Variants in DNAH14 observed in about 807,000 individuals in gnomAD.
DNAH14 encodes dynein axonemal heavy chain 14, also known as axonemal beta dynein heavy chain 14.
A neutral mutation model predicts 520.9 loss-of-function variants in DNAH14; 478 were observed. The ratio of observed to expected loss-of-function variants is 0.92; its 90% CI spans 0.85 to 0.99. The LOEUF (loss-of-function observed/expected upper bound fraction) is 0.99. DNAH14 is among the 50% of genes least tolerant of loss of function. DNAH14 has a pLI of 0.00. For missense variants in DNAH14, 4,831 were observed against 5,234.5 expected (o/e 0.92, Z 2.38); for synonymous variants, 1,581 against 1,757.2 (o/e 0.90, Z 2.51).
Position 225,050,811 on chromosome 1 carries a change from G to A in DNAH14, c.2079+435G>A, listed in dbSNP as rs572482746. 2.0e-5 allele frequency among the ~76,000 whole-genome samples: 3 copies of A among 152,310 alleles called. No individual in the cohort carries two copies. The East Asian group carries it at 5.8e-4, about 29-fold the overall frequency. ...GGCCCTTAACCCTTTTGGCACCAGG[G>A]ACTGGTTTTGTGGAATACAGTTTGT... is the stretch of plus-strand genomic sequence containing the variant. On this transcript the variant is annotated intron_variant, in intron 16 of 85. Transcript: ENST00000682510.
chr1:224,950,968 G>A (rs1378046754), intron 1 of DNAH14, among the ~76,000 whole-genome samples: 4 of 152,106 alleles, frequency 2.6e-5, no homozygotes, highest in Admixed American at 2.6e-4. Context: ...TGGTACCTAT[G>A]TAATAGCCTC....
At chr1:225,182,104 A>G (rs1217624232) in intron 36 of DNAH14, among the ~76,000 whole-genome samples, 1 of 152,210 alleles carries the variant, frequency 6.6e-6, no homozygotes, top group African/African-American at 2.4e-5. Flanking sequence ...GAGCTGAGGT[A>G]GGAGAATCAC....
chr1:225,264,329 T>A, intron 47 of DNAH14, 68 bp downstream of exon 47: 1 of 1,204,742 alleles, frequency 8.3e-7, no homozygotes. Flanking sequence ...TGTATATTAT[T>A]TCTTACATTC....
At chr1:225,393,731 C>G (rs764286203) in intron 84 of DNAH14, among the ~76,000 whole-genome samples, 7 of 152,148 alleles carry the variant, frequency 4.6e-5, no homozygotes, top group Admixed American at 3.9e-4. Flanking sequence ...TAGAAGATTG[C>G]TCCACATCCC....
In DNAH14 at chr1:224,950,477, G is replaced by A. The variant is rs572047392; in HGVS notation, c.-33-2193G>A. ...TGGTATTTGAATGTTGCTGTGAGAA[G>A]TGTGAGGTTAACTTGATGTTTTTTA... On this transcript the variant is annotated intron_variant, in intron 1 of 85. Coordinates refer to ENST00000682510, the MANE Select transcript of DNAH14 (RefSeq NM_001367479.1). Among the ~76,000 whole-genome samples, 23 of 152,312 alleles carry A rather than the reference G, an allele frequency of 1.5e-4. No individual in the cohort carries two copies. The South Asian group carries it at 3.7e-3, about 25-fold the overall frequency.
intron 8 of DNAH14, among the ~76,000 whole-genome samples, chr1:224,977,258 G>A (rs1232092785): frequency 6.7e-6 from 1 of 149,140 alleles, no homozygotes; most frequent in African/African-American, 2.5e-5. Context: ...AACACCGCAT[G>A]TTCTCACTCA....
At chr1:225,058,121 G>T (rs931181034) in intron 17 of DNAH14, among the ~76,000 whole-genome samples, 3 of 152,152 alleles carry the variant, frequency 2.0e-5, no homozygotes, top group African/African-American at 7.2e-5. Flanking sequence ...GCTCCTCCTT[G>T]TATCTCTGGT....
chr1:224,971,887 G>C (rs572958691), intron 7 of DNAH14, among the ~76,000 whole-genome samples: 1 of 152,178 alleles, frequency 6.6e-6, no homozygotes, highest in African/African-American at 2.4e-5. Flanking sequence ...TCAAAGATAG[G>C]TGATAGTTGC....
At chr1:225,043,276 GAAA>G (rs10671374) in intron 13 of DNAH14, among the ~76,000 whole-genome samples, 162 bp downstream of exon 13, 1 of 98,168 alleles carries the variant, frequency 1.0e-5, no homozygotes, top group Non-Finnish European at 1.9e-5. Flanking sequence ...GTCTCTTGGG[GAAA>G]AAAAAAAAAA....
At chr1:225,305,142 G>A in intron 58 of DNAH14, 53 bp downstream of exon 58, 1 of 1,487,740 alleles carries the variant, frequency 6.7e-7, no homozygotes, top group East Asian at 2.6e-5. Context: ...GTTTTTGTTT[G>A]CGAAAAGAGA....
At chr1:225,340,387 T>G (rs2095154272) in intron 68 of DNAH14, 70 bp from the exon 69 acceptor site, 1 of 1,443,442 alleles carries the variant, frequency 6.9e-7, no homozygotes, top group Non-Finnish European at 9.2e-7. Context: ...CTTTATGTAT[T>G]TTTAAATAAA....
At chr1:225,291,214 T>G (rs2093880936) in intron 55 of DNAH14, among the ~76,000 whole-genome samples, 1 of 152,166 alleles carries the variant, frequency 6.6e-6, no homozygotes, top group Non-Finnish European at 1.5e-5. Flanking sequence ...TATGGCTGAA[T>G]TGTATTTTAT....
At chr1:225,144,346 C>A in intron 28 of DNAH14, 51 bp from the exon 29 acceptor site, 1 of 1,332,926 alleles carries the variant, frequency 7.5e-7, no homozygotes, top group Non-Finnish European at 1.0e-6. Flanking sequence ...TGTGAAAATA[C>A]ATAAAAATAA....
intron 36 of DNAH14, among the ~76,000 whole-genome samples, chr1:225,171,404 T>C (rs2082645569): frequency 6.6e-6 from 1 of 151,520 alleles, no homozygotes; most frequent in African/African-American, 2.4e-5. Flanking sequence ...GAGAGAAGAA[T>C]GAAATAGATG....
chr1:225,061,746 A>G (rs538266600), intron 17 of DNAH14, among the ~76,000 whole-genome samples: 60 of 152,276 alleles, frequency 3.9e-4, no homozygotes, highest in African/African-American at 1.4e-3. Context: ...AGCCTCCTGA[A>G]TAGCTAGGAT....
At position 225,258,096 on chromosome 1, in the gene DNAH14, T is replaced by C; in HGVS notation, c.7002T>C (p.Asn2334=). 6.5e-7 allele frequency: 1 copy of C among 1,542,444 alleles called. No homozygotes were observed. Among genetic ancestry groups the C allele is most frequent in the Non-Finnish European group, 8.7e-7 (1 of 1,144,420 alleles). ...TTCTCATGAGCCTTCTTTTAAAGAA[T>C]TCCTGCCCTGTACTTCTCACAGGTA... ...LSFLMSLLLK[N]SCPVLLTGES... Residue 2334 remains asparagine (N), a synonymous_variant, in exon 45 of 86, where the codon AAT becomes AAC. Transcript: ENST00000682510.
chr1:224,946,741 T>C (rs2059859738), intron 1 of DNAH14, among the ~76,000 whole-genome samples: 1 of 152,160 alleles, frequency 6.6e-6, no homozygotes, highest in South Asian at 2.1e-4. Flanking sequence ...ACTTCTCACA[T>C]TTCAGTCACT....
At chr1:225,096,935 A>G (rs182052178) in intron 21 of DNAH14, among the ~76,000 whole-genome samples, 183 bp from the exon 22 acceptor site, 6 of 152,302 alleles carry the variant, frequency 3.9e-5, no homozygotes, top group Admixed American at 3.3e-4. Flanking sequence ...GATGAACAGG[A>G]CATCTTAAAC....
At chr1:225,320,205 C>T (rs905090020) in intron 61 of DNAH14, among the ~76,000 whole-genome samples, 2 of 152,218 alleles carry the variant, frequency 1.3e-5, no homozygotes, top group African/African-American at 4.8e-5. Flanking sequence ...CACTTTCTAG[C>T]TGTATAAGCT....
Sources: allele counts gnomAD v4.1 joint callset (sites outside exome capture counted in the v4.1 genomes callset), GRCh38; gene constraint gnomAD v4.1.1; transcripts MANE v1.5; gene names NCBI Gene and HGNC (gene_info 2026-07-23, HGNC 2026-07-21).